Variants in MAPT observed in about 807,000 individuals in gnomAD.
MAPT encodes microtubule-associated protein tau.
In MAPT, 34 loss-of-function variants were observed where a neutral mutation model predicts 67.9. The ratio of observed to expected loss-of-function variants is 0.50; its 90% CI spans 0.38 to 0.67. MAPT has a LOEUF of 0.67. Ranked by LOEUF, MAPT falls within the 30% of genes least tolerant of loss-of-function variation. MAPT has a pLI of 0.00. For missense variants in MAPT, 881 were observed against 1,115.2 expected (o/e 0.79, Z 2.99); for synonymous variants, 456 against 464.5 (o/e 0.98, Z 0.23).
intron 8 of MAPT, among the ~76,000 whole-genome samples, chr17:45,992,193 T>C (rs141204376): frequency 8.5e-5 from 13 of 152,298 alleles, no homozygotes; most frequent in African/African-American, 3.1e-4. Flanking sequence ...TCTGAGAGTT[T>C]GCTTGACTGA....
chr17:45,994,844 G>A (rs138600153), intron 8 of MAPT, among the ~76,000 whole-genome samples: 2 of 152,080 alleles, frequency 1.3e-5, no homozygotes, highest in African/African-American at 4.8e-5. Flanking sequence ...AATCTTTACT[G>A]AAAATACAAA....
chr17:46,025,930 T>C lies in MAPT; in HGVS notation c.*1759T>C, dbSNP rs7687. 0.14 allele frequency: 21,810 copies of C among 152,148 alleles called. 2,129 individuals carry two copies. Among genetic ancestry groups the C allele is most frequent in the Non-Finnish European group, 0.22 (14,762 of 68,046 alleles). The allele number at this position is 152,148 out of a possible 1,614,324, so 9.4% of individuals were successfully genotyped here. A position where few individuals can be genotyped will look rare whatever the true frequency, so the allele number is the denominator to read the frequency against. ...CACACCCCCTTGGAAATGGTTCTTT[T>C]CCCCCAGTCCCAGCTGGAAGCCATG... is the stretch of plus-strand genomic sequence containing the variant. On this transcript the variant is annotated 3_prime_UTR_variant, in exon 13 of 13. Coordinates refer to ENST00000262410, the MANE Select transcript of MAPT (RefSeq NM_001377265.1).
chr17:45,923,442 G>T (rs990643083), intron 1 of MAPT, among the ~76,000 whole-genome samples: 3 of 152,204 alleles, frequency 2.0e-5, no homozygotes, highest in African/African-American at 7.2e-5. Context: ...CCTGGAAGGG[G>T]TCCGGCTGTC....
At position 45,983,320 on chromosome 17, in the gene MAPT, G is replaced by C. The variant is rs1490429598; in HGVS notation, c.741G>C (p.Gly247=). 1 of 1,601,640 alleles carries C rather than the reference G, an allele frequency of 6.2e-7. No individual in the cohort carries two copies. ...GPREATRQPS[G]TGPEDTEGGR... ...GAGAGGCCACACGCCAACCTTCGGG[G>C]ACAGGACCTGAGGACACAGAGGGCG... Residue 247 remains glycine, a synonymous_variant, in exon 5 of 13, where the codon GGG becomes GGC. Coordinates refer to ENST00000262410, the MANE Select transcript of MAPT (RefSeq NM_001377265.1).
intron 3 of MAPT, 119 bp from the exon 4 acceptor site, chr17:45,978,256 T>C: frequency 1.2e-6 from 1 of 820,204 alleles, no homozygotes; most frequent in Non-Finnish European, 2.2e-6. Context: ...TTGGTATTCT[T>C]GGGATGTGAC....
At chr17:45,917,003 G>A (rs2065255836) in intron 1 of MAPT, among the ~76,000 whole-genome samples, 1 of 152,224 alleles carries the variant, frequency 6.6e-6, no homozygotes, top group African/African-American at 2.4e-5. Flanking sequence ...TGGCCAGGAA[G>A]CATCGATATT....
intron 2 of MAPT, among the ~76,000 whole-genome samples, chr17:45,968,909 T>A (rs566653228): frequency 6.6e-6 from 1 of 152,340 alleles, no homozygotes; most frequent in Admixed American, 6.5e-5. Context: ...AGAAGCCCTG[T>A]GAGCCAGTGG....
chr17:45,983,864 C>A lies in MAPT; in HGVS notation c.1285C>A (p.Pro429Thr). 6.2e-7 allele frequency: 1 copy of A among 1,600,550 alleles called. No individual in the cohort carries two copies. Among genetic ancestry groups the A allele is most frequent in the Non-Finnish European group, 8.5e-7 (1 of 1,175,488 alleles). ...EDTKEADLPE[P>T]SEKQPAAAPR... ...CACAAAAGAGGCTGACCTTCCAGAGCCCTCTGAAAAGCAGCCTGCTGCTGC... is the reference window on the plus strand; with the variant it reads ...CACAAAAGAGGCTGACCTTCCAGAGACCTCTGAAAAGCAGCCTGCTGCTGC... The change falls in exon 5 of 13, where the codon CCC (proline) becomes ACC (threonine). Residue 429 changes from proline (P) to threonine (T), a missense_variant. Physicochemically the swap from Pro to Thr is conservative, Grantham distance 38 (BLOSUM62 -1). This residue lies in a region of MAPT where 687 missense variants were observed against 766.1 expected (regional missense o/e 0.90). Coordinates refer to ENST00000262410, the MANE Select transcript of MAPT (RefSeq NM_001377265.1).
intron 8 of MAPT, among the ~76,000 whole-genome samples, chr17:45,992,041 C>T (rs530813302): frequency 8.2e-4 from 125 of 152,250 alleles, no homozygotes; most frequent in African/African-American, 2.9e-3. Flanking sequence ...CTGCCTCGGC[C>T]TCCCAAAGTG....
At chr17:45,907,898 G>T (rs1390894623) in intron 1 of MAPT, 1 of 152,200 alleles carries the variant, frequency 6.6e-6, no homozygotes, top group Non-Finnish European at 1.5e-5. Flanking sequence ...TTCACAGCTG[G>T]GGAGGGAGCC....
At chr17:45,930,513 G>A (rs912784911) in intron 1 of MAPT, among the ~76,000 whole-genome samples, 18 of 151,984 alleles carry the variant, frequency 1.2e-4, no homozygotes, top group African/African-American at 2.2e-4. Flanking sequence ...CAGGACAGCC[G>A]GAAGAAGTGG....
intron 1 of MAPT, among the ~76,000 whole-genome samples, chr17:45,955,007 A>G (rs2069473332): frequency 6.6e-6 from 1 of 151,974 alleles, no homozygotes; most frequent in Non-Finnish European, 1.5e-5. Context: ...AAAAACAAAA[A>G]CAAAAAAAAA....
chr17:45,961,775 GT>G (rs532052263), intron 1 of MAPT, among the ~76,000 whole-genome samples: 77 of 142,178 alleles, frequency 5.4e-4, no homozygotes, highest in African/African-American at 6.2e-4. Flanking sequence ...TATTTGTTTT[GT>G]TTTTTTTTTT....
intron 4 of MAPT, among the ~76,000 whole-genome samples, 157 bp from the exon 5 acceptor site, chr17:45,982,709 C>A (rs2073094111): frequency 6.6e-6 from 1 of 152,122 alleles, no homozygotes; most frequent in Admixed American, 6.5e-5. Context: ...TCCAAGCAAG[C>A]AAAGGCAACG....
intron 3 of MAPT, 104 bp downstream of exon 3, chr17:45,972,049 G>T: frequency 1.2e-6 from 1 of 829,784 alleles, no homozygotes. Context: ...GCTGAGAGAT[G>T]TGCTCACTCC....
At chr17:45,999,555 A>C in intron 9 of MAPT, 6 of 1,613,210 alleles carry the variant, frequency 3.7e-6, no homozygotes, top group Non-Finnish European at 5.1e-6. Flanking sequence ...AGCAGGGAAG[A>C]CAACTTTCCA....
chr17:45,999,540 G>A, intron 9 of MAPT: 2 of 1,613,582 alleles, frequency 1.2e-6, no homozygotes, highest in Non-Finnish European at 1.7e-6. Context: ...GCAGGAATGG[G>A]GCTGAGCAGG....
intron 1 of MAPT, among the ~76,000 whole-genome samples, chr17:45,912,779 C>A (rs2064888442): frequency 6.6e-6 from 1 of 152,206 alleles, no homozygotes; most frequent in African/African-American, 2.4e-5. Context: ...ACCTGAAATT[C>A]AAATTTAACT....
chr17:45,906,912 A>T lies in MAPT; in HGVS notation c.-18+12226A>T, dbSNP rs2064348261. Among the ~76,000 whole-genome samples the T allele has an allele frequency of 6.6e-6, 1 of 152,156 alleles. No individual in the cohort carries two copies. The highest frequency in any genetic ancestry group is 2.4e-5 in the African/African-American group (1 of 41,426). On this transcript the variant is annotated intron_variant, in intron 1 of 12. Transcript: ENST00000262410. The surrounding 1 kb of genome is among the most constrained non-coding windows in gnomAD (Gnocchi z 4.3). ...GTTTCCAGTCACACTCTCACCAGCGATAAAATGATTTTAGACCTTATCATC... is the reference window on the plus strand; with the variant it reads ...GTTTCCAGTCACACTCTCACCAGCGTTAAAATGATTTTAGACCTTATCATC...
Sources: allele counts gnomAD v4.1 joint callset (sites outside exome capture counted in the v4.1 genomes callset), GRCh38; gene constraint gnomAD v4.1.1; regional missense constraint gnomAD v4.1.1; non-coding constraint Gnocchi (gnomAD v3.1); transcripts MANE v1.5; gene names NCBI Gene and HGNC (gene_info 2026-07-23, HGNC 2026-07-21).